TBC1D5: variants seen among roughly 807,000 people sequenced by gnomAD.
TBC1D5 encodes the protein TBC1 domain family member 5.
Under a neutral mutation model 100.3 loss-of-function variants are expected in TBC1D5, and 75 were observed. The observed-to-expected ratio is 0.75, with a 90% CI of 0.62 to 0.91. TBC1D5 has a LOEUF of 0.91. Among genes scored for constraint, TBC1D5 ranks in the 40% least tolerant of loss-of-function variants. The pLI is 0.00. For missense variants in TBC1D5, 910 were observed against 942.4 expected (o/e 0.97, Z 0.45); for synonymous variants, 323 against 325.6 (o/e 0.99, Z 0.09).
chr3:17,511,507 A>G (rs1004750032), intron 2 of TBC1D5, among the ~76,000 whole-genome samples: 5 of 151,972 alleles, frequency 3.3e-5, no homozygotes, highest in African/African-American at 1.2e-4. Flanking sequence ...GTAACAAGCA[A>G]GTTGCCATCA....
chr3:17,198,845 C>G (rs1020224219), intron 18 of TBC1D5, among the ~76,000 whole-genome samples: 38 of 152,170 alleles, frequency 2.5e-4, no homozygotes, highest in African/African-American at 8.9e-4. Context: ...AATGCCCATG[C>G]TCCACTGGAA....
chr3:17,741,660 G>A (rs1254385466), upstream of TBC1D5, among the ~76,000 whole-genome samples: 1 of 152,184 alleles, frequency 6.6e-6, no homozygotes, highest in Admixed American at 6.5e-5. Flanking sequence ...TTTAAACACA[G>A]ATTATAATTC....
chr3:17,276,187 C>T (rs1480795633), intron 15 of TBC1D5, among the ~76,000 whole-genome samples: 1 of 152,170 alleles, frequency 6.6e-6, no homozygotes, highest in East Asian at 1.9e-4. Context: ...ATAGATAGTG[C>T]CTTCTCACTG....
At chr3:17,451,615 C>T (rs1403296258) in intron 3 of TBC1D5, among the ~76,000 whole-genome samples, 1 of 152,052 alleles carries the variant, frequency 6.6e-6, no homozygotes. Context: ...GGATCTAGAA[C>T]TAGAAATAAC....
intron 13 of TBC1D5, among the ~76,000 whole-genome samples, chr3:17,368,477 G>A (rs116289836): frequency 6.1e-4 from 93 of 151,990 alleles, no homozygotes; most frequent in Non-Finnish European, 1.1e-3. Flanking sequence ...GATGTTCCAT[G>A]CAACTGTTAA....
At chr3:17,218,657 G>A (rs1480135452) in intron 17 of TBC1D5, among the ~76,000 whole-genome samples, 1 of 151,822 alleles carries the variant, frequency 6.6e-6, no homozygotes, top group Non-Finnish European at 1.5e-5. Flanking sequence ...TTTCCTTTTT[G>A]AAGGATAGTT....
intron 1 of TBC1D5, among the ~76,000 whole-genome samples, chr3:17,653,396 GA>G (rs1008190692): frequency 6.6e-6 from 1 of 152,068 alleles, no homozygotes; most frequent in African/African-American, 2.4e-5. Context: ...GAGTGTATCA[GA>G]GGACATCATC....
At chr3:17,714,548 TTTTTG>T (rs1190683470) in intron 1 of TBC1D5, among the ~76,000 whole-genome samples, 1 of 152,220 alleles carries the variant, frequency 6.6e-6, no homozygotes, top group African/African-American at 2.4e-5. Context: ...CTGGGTTTGT[TTTTTG>T]TTTTATCTCT....
rs1472730817 is a variant in TBC1D5, at chr3:17,700,315, T to C, written c.-101+39028A>G. Among the ~76,000 whole-genome samples, 5 of 152,128 alleles carry C rather than the reference T, an allele frequency of 3.3e-5. No individual in the cohort carries two copies. The South Asian group carries it at 6.2e-4, about 19-fold the overall frequency. On this transcript the variant is annotated intron_variant, in intron 1 of 21. Transcript: ENST00000253692. ...AACTGGATCCCTTCCTTACACCTTA[T>C]ACAAAAATTAATTCAAGATGGATTA...
At chr3:17,625,205 T>C (rs1298408178) in intron 1 of TBC1D5, among the ~76,000 whole-genome samples, 13 of 152,048 alleles carry the variant, frequency 8.5e-5, no homozygotes, top group Admixed American at 8.5e-4. Context: ...AAGTGTCTTA[T>C]TGTTTTTTTA....
intron 1 of TBC1D5, among the ~76,000 whole-genome samples, chr3:17,674,293 G>T (rs1457799786): frequency 6.6e-6 from 1 of 152,104 alleles, no homozygotes; most frequent in East Asian, 1.9e-4. Context: ...ATAGAAACAA[G>T]ATGCCTCTCA....
At chr3:17,693,311 G>C (rs951787890) in intron 1 of TBC1D5, among the ~76,000 whole-genome samples, 2 of 152,230 alleles carry the variant, frequency 1.3e-5, no homozygotes, top group African/African-American at 2.4e-5. Context: ...AAGGGGTCAG[G>C]GATTTCCCTT....
intron 1 of TBC1D5, among the ~76,000 whole-genome samples, chr3:17,691,391 G>C (rs1477342732): frequency 6.6e-6 from 1 of 152,126 alleles, no homozygotes; most frequent in Non-Finnish European, 1.5e-5. Flanking sequence ...CTTCACAAAG[G>C]TTCTCACACT....
chr3:17,349,167 GT>G (rs759598388), intron 13 of TBC1D5, among the ~76,000 whole-genome samples: 2 of 152,144 alleles, frequency 1.3e-5, no homozygotes, highest in Admixed American at 6.6e-5. Flanking sequence ...GTCCCACAAT[GT>G]TTTATTTTTG....
At chr3:17,534,238 GGGAGAA>G in intron 2 of TBC1D5, among the ~76,000 whole-genome samples, 1 of 152,110 alleles carries the variant, frequency 6.6e-6, no homozygotes, top group African/African-American at 2.4e-5. Context: ...ACATACTATG[GGGAGAA>G]ATTTAATGAC....
chr3:17,349,735 G>A (rs1418710247), intron 13 of TBC1D5, among the ~76,000 whole-genome samples: 2 of 152,202 alleles, frequency 1.3e-5, no homozygotes, highest in Non-Finnish European at 2.9e-5. Context: ...TTCAGCTGCA[G>A]AAGAGCTCAT....
At position 17,544,650 on chromosome 3, in the gene TBC1D5, G is replaced by GAAAAAAAAAAAAAAA. The variant is rs11294217; in HGVS notation, c.-35-36060_-35-36046dup. On this transcript the variant is annotated intron_variant, in intron 2 of 21. Transcript: ENST00000253692. The stretch of plus-strand genomic sequence containing the variant: ...TGGGCGACAAAGTGAGACTCCGTCT[G>GAAAAAAAAAAAAAAA]AAAAAAAAAAAAAAAAAGCACCTTA... Among the ~76,000 whole-genome samples, 28 of 86,262 alleles carry GAAAAAAAAAAAAAAA rather than the reference G, an allele frequency of 3.2e-4. 1 individual carries two copies. Among genetic ancestry groups the GAAAAAAAAAAAAAAA allele is most frequent in the African/African-American group, 1.1e-3 (26 of 23,262 alleles). The allele number at this position is 86,262 out of a possible 152,430, so 56.6% of individuals were successfully genotyped here.
At chr3:17,631,487 T>G (rs546273696) in intron 1 of TBC1D5, among the ~76,000 whole-genome samples, 1 of 152,358 alleles carries the variant, frequency 6.6e-6, no homozygotes, top group Non-Finnish European at 1.5e-5. Flanking sequence ...ATAACAGATA[T>G]TCAATGTAGA....
intron 18 of TBC1D5, among the ~76,000 whole-genome samples, chr3:17,186,457 C>T (rs1220033582): frequency 6.6e-6 from 1 of 151,730 alleles, no homozygotes; most frequent in Non-Finnish European, 1.5e-5. Flanking sequence ...GCCTGTAATC[C>T]CAGCACTTTG....
Sources: allele counts gnomAD v4.1 joint callset (sites outside exome capture counted in the v4.1 genomes callset), GRCh38; gene constraint gnomAD v4.1.1; transcripts MANE v1.5; gene names NCBI Gene and HGNC (gene_info 2026-07-23, HGNC 2026-07-21).